Variants in SYNDIG1 observed in about 807,000 individuals in gnomAD.
SYNDIG1 encodes synapse differentiation-inducing gene protein 1.
A neutral mutation model predicts 19.4 loss-of-function variants in SYNDIG1; 9 were observed. The observed-to-expected ratio is 0.46, with a 90% CI of 0.28 to 0.81. The LOEUF (loss-of-function observed/expected upper bound fraction) is 0.81, where lower values mean the gene tolerates loss of function less well. Among genes scored for constraint, SYNDIG1 ranks in the 30% least tolerant of loss-of-function variants. The pLI, the probability that SYNDIG1 is intolerant of heterozygous loss-of-function variation, is 0.12. For missense variants in SYNDIG1, 311 were observed against 343.3 expected (o/e 0.91, Z 0.74); for synonymous variants, 141 against 145.9 (o/e 0.97, Z 0.24).
At chr20:24,627,446 A>G (rs2059166839) in intron 3 of SYNDIG1, among the ~76,000 whole-genome samples, 1 of 152,184 alleles carries the variant, frequency 6.6e-6, no homozygotes, top group Non-Finnish European at 1.5e-5. Flanking sequence ...TGACTGGTCT[A>G]GGGTGAGGCC....
At chr20:24,532,248 A>G (rs1043823987) in intron 1 of SYNDIG1, among the ~76,000 whole-genome samples, 2 of 152,170 alleles carry the variant, frequency 1.3e-5, no homozygotes, top group Non-Finnish European at 2.9e-5. Flanking sequence ...TCCCCCCACA[A>G]TGAAAGCACA....
At chr20:24,585,033 T>C in intron 3 of SYNDIG1, 40 bp downstream of exon 3, 1 of 1,221,068 alleles carries the variant, frequency 8.2e-7, no homozygotes, top group Non-Finnish European at 1.1e-6. Context: ...TGTGCAGGTG[T>C]TCACAGGGTG....
intron 3 of SYNDIG1, among the ~76,000 whole-genome samples, chr20:24,595,360 CCTT>C (rs1348061294): frequency 3.9e-5 from 6 of 152,184 alleles, no homozygotes; most frequent in African/African-American, 1.4e-4. Context: ...AGGGATAAAA[CCTT>C]CTTGATTGTG....
chr20:24,532,499 C>T (rs909765117), intron 1 of SYNDIG1, among the ~76,000 whole-genome samples: 7 of 152,124 alleles, frequency 4.6e-5, no homozygotes, highest in African/African-American at 1.7e-4. Flanking sequence ...CAGGAATGTT[C>T]TGGAATCAGA....
chr20:24,661,350 A>AAAGAAG (rs2059585074), intron 3 of SYNDIG1, among the ~76,000 whole-genome samples: 2 of 48,052 alleles, frequency 4.2e-5, no homozygotes, highest in Non-Finnish European at 8.6e-5. Context: ...AAGGAGGGAG[A>AAAGAAG]GAGGAGGGAG....
At chr20:24,494,958 G>T (rs142188937) in intron 1 of SYNDIG1, among the ~76,000 whole-genome samples, 2 of 152,162 alleles carry the variant, frequency 1.3e-5, no homozygotes, top group Admixed American at 1.3e-4. Flanking sequence ...CCTCAGTCCA[G>T]GTCCAGGGTT....
chr20:24,569,413 G>A (rs1420398773), intron 2 of SYNDIG1, among the ~76,000 whole-genome samples: 1 of 152,116 alleles, frequency 6.6e-6, no homozygotes, highest in African/African-American at 2.4e-5. Context: ...CACTTATAAA[G>A]TTCCACATGC....
chr20:24,642,647 C>T (rs1184093967), intron 3 of SYNDIG1, among the ~76,000 whole-genome samples: 1 of 152,106 alleles, frequency 6.6e-6, no homozygotes, highest in African/African-American at 2.4e-5. Flanking sequence ...TTATTTGCTG[C>T]TTTGACCCTT....
At chr20:24,631,092 G>A (rs1416534852) in intron 3 of SYNDIG1, among the ~76,000 whole-genome samples, 1 of 152,204 alleles carries the variant, frequency 6.6e-6, no homozygotes, top group East Asian at 1.9e-4. Context: ...AATCAACACT[G>A]CCCCAAAAGT....
At chr20:24,486,501 A>G (rs890248440) in intron 1 of SYNDIG1, among the ~76,000 whole-genome samples, 1 of 152,228 alleles carries the variant, frequency 6.6e-6, no homozygotes, top group Non-Finnish European at 1.5e-5. Flanking sequence ...AGTTTTGCTT[A>G]CTGAAATGTC....
chr20:24,479,928 A>G (rs2055748612), intron 1 of SYNDIG1, among the ~76,000 whole-genome samples: 1 of 151,996 alleles, frequency 6.6e-6, no homozygotes, highest in African/African-American at 2.4e-5. Flanking sequence ...ACACTGAGTT[A>G]CTCCTGCCCT....
intron 1 of SYNDIG1, among the ~76,000 whole-genome samples, chr20:24,508,365 A>G (rs1483909285): frequency 6.6e-6 from 1 of 151,538 alleles, no homozygotes; most frequent in Non-Finnish European, 1.5e-5. Context: ...AGTAGCTGAG[A>G]TTACAGGCGT....
At chr20:24,628,226 G>T (rs1204873551) in intron 3 of SYNDIG1, among the ~76,000 whole-genome samples, 1 of 152,196 alleles carries the variant, frequency 6.6e-6, no homozygotes, top group Non-Finnish European at 1.5e-5. Context: ...AAAGCTTTCT[G>T]GCACTGCCAG....
At chr20:24,548,636 G>C (rs149383597) in intron 2 of SYNDIG1, among the ~76,000 whole-genome samples, 6 of 152,328 alleles carry the variant, frequency 3.9e-5, no homozygotes, top group African/African-American at 1.2e-4. Context: ...ATTATTTTTA[G>C]TATCTCCAGA....
At chr20:24,499,996 C>T (rs988005235) in intron 1 of SYNDIG1, among the ~76,000 whole-genome samples, 8 of 152,040 alleles carry the variant, frequency 5.3e-5, no homozygotes, top group Non-Finnish European at 8.8e-5. Context: ...CTCATCTCCC[C>T]GGATTTAGTG....
chr20:24,571,420 G>A (rs539255349), intron 2 of SYNDIG1, among the ~76,000 whole-genome samples: 7 of 152,106 alleles, frequency 4.6e-5, no homozygotes, highest in Non-Finnish European at 1.0e-4. Flanking sequence ...GTTCCTACAG[G>A]AACTCTGTTC....
At chr20:24,493,328 G>A (rs1042518885) in intron 1 of SYNDIG1, among the ~76,000 whole-genome samples, 1 of 151,854 alleles carries the variant, frequency 6.6e-6, no homozygotes, top group Non-Finnish European at 1.5e-5. Context: ...AAGCATGCAC[G>A]TGCACACACA....
At chr20:24,583,883 TGGAGGGTGGAA>T (rs1468568683) in intron 2 of SYNDIG1, among the ~76,000 whole-genome samples, 2 of 152,118 alleles carry the variant, frequency 1.3e-5, no homozygotes, top group Non-Finnish European at 2.9e-5. Flanking sequence ...TGCCAGAGGT[TGGAGGGTGGAA>T]GGAGGGAAAG....
intron 3 of SYNDIG1, chr20:24,596,785 T>G (rs2058602100): frequency 6.6e-6 from 1 of 152,278 alleles, no homozygotes; most frequent in Non-Finnish European, 1.5e-5. Flanking sequence ...TCTTCAGCAG[T>G]CAGTGCCGGG....
Sources: allele counts gnomAD v4.1 joint callset (sites outside exome capture counted in the v4.1 genomes callset), GRCh38; gene constraint gnomAD v4.1.1; transcripts MANE v1.5; gene names NCBI Gene and HGNC (gene_info 2026-07-23, HGNC 2026-07-21).